The following PLAG1 variants were observed in gnomAD, a reference collection of about 807,000 sequenced individuals.
PLAG1 encodes the protein zinc finger protein PLAG1.
A neutral mutation model predicts 35.5 loss-of-function variants in PLAG1; 7 were observed. The ratio of observed to expected loss-of-function variants is 0.20; its 90% CI spans 0.11 to 0.37. PLAG1 has a LOEUF of 0.37. Ranked by LOEUF, PLAG1 falls within the 10% of genes least tolerant of loss-of-function variation. The pLI, the probability that PLAG1 is intolerant of heterozygous loss-of-function variation, is 1.00. For missense variants in PLAG1, 454 were observed against 602.8 expected (o/e 0.75, Z 2.58); for synonymous variants, 229 against 225.4 (o/e 1.02, Z -0.14).
At chr8:56,191,204 G>T (rs1176123605) in intron 1 of PLAG1, among the ~76,000 whole-genome samples, 2 of 152,212 alleles carry the variant, frequency 1.3e-5, no homozygotes, top group Non-Finnish European at 2.9e-5. Flanking sequence ...TTCTCCCAGG[G>T]CTGGGAGCAG....
At chr8:56,207,256 C>A (rs1254011285) in intron 1 of PLAG1, among the ~76,000 whole-genome samples, 2 of 151,932 alleles carry the variant, frequency 1.3e-5, no homozygotes, top group Non-Finnish European at 2.9e-5. Flanking sequence ...AGTTATCTGG[C>A]TTTCCAAATC....
chr8:56,166,044 C>T lies in PLAG1; in HGVS notation c.*199G>A, dbSNP rs944938890. 1 of 350,884 alleles carries T rather than the reference C, an allele frequency of 2.8e-6. No individual in the cohort carries two copies. The highest frequency in any genetic ancestry group is 2.1e-5 in the African/African-American group (1 of 47,746). The allele number at this position is 350,884 out of a possible 1,614,324, so 21.7% of individuals were successfully genotyped here. On this transcript the variant is annotated 3_prime_UTR_variant, in exon 5 of 5. Coordinates refer to ENST00000316981, the MANE Select transcript of PLAG1 (RefSeq NM_002655.3). ...TTGGCAGTGAATCAGGACAAAATAC[C>T]CAGGTAAACTTAACTGAACACAAAT...
In PLAG1 at chr8:56,162,232, C is replaced by G. The variant is rs1031084974; in HGVS notation, c.*4011G>C. On this transcript the variant is annotated 3_prime_UTR_variant, in exon 5 of 5. Coordinates refer to ENST00000316981, the MANE Select transcript of PLAG1 (RefSeq NM_002655.3). ...ACTAACAGCCAGCCATTGCTAATGA[C>G]GAATACTAAACATTTAAAAGATCTC... 1 of 228,304 alleles carries G rather than the reference C, an allele frequency of 4.4e-6. No homozygotes were observed. The highest frequency in any genetic ancestry group is 2.2e-5 in the African/African-American group (1 of 45,068). 14.1% of individuals were successfully genotyped at this position (228,304 alleles called of 1,614,324 possible). A position where few individuals can be genotyped will look rare whatever the true frequency, so the allele number is the denominator to read the frequency against.
chr8:56,205,484 AT>A (rs1348711695), intron 1 of PLAG1, among the ~76,000 whole-genome samples: 1 of 151,884 alleles, frequency 6.6e-6, no homozygotes, highest in African/African-American at 2.4e-5. Context: ...GGTATTAAAA[AT>A]ATTCTTTGGT....
intron 2 of PLAG1, among the ~76,000 whole-genome samples, chr8:56,179,134 G>A (rs1019664412): frequency 6.6e-6 from 1 of 151,906 alleles, no homozygotes; most frequent in African/African-American, 2.4e-5. Context: ...GGCTATCTGG[G>A]GAACAGGAAC....
chr8:56,188,594 C>A (rs1211200881), intron 1 of PLAG1, among the ~76,000 whole-genome samples: 1 of 152,288 alleles, frequency 6.6e-6, no homozygotes, highest in African/African-American at 2.4e-5. Context: ...GACTTGTTTG[C>A]TTTCTTTTGC....
chr8:56,180,560 G>T (rs1811835128), intron 1 of PLAG1, among the ~76,000 whole-genome samples: 1 of 152,192 alleles, frequency 6.6e-6, no homozygotes, highest in Non-Finnish European at 1.5e-5. Context: ...GTCCTGAATG[G>T]TATTGCCTAG....
At chr8:56,195,465 G>C (rs925830662) in intron 1 of PLAG1, among the ~76,000 whole-genome samples, 2 of 152,182 alleles carry the variant, frequency 1.3e-5, no homozygotes, top group African/African-American at 2.4e-5. Context: ...TACAGAGCTA[G>C]CTGGCCCACC....
At chr8:56,188,543 G>A (rs1235483603) in intron 1 of PLAG1, among the ~76,000 whole-genome samples, 1 of 152,206 alleles carries the variant, frequency 6.6e-6, no homozygotes, top group Admixed American at 6.5e-5. Context: ...CACAGACACA[G>A]TGTATGTCAA....
chr8:56,208,762 T>C (rs898657312), intron 1 of PLAG1, among the ~76,000 whole-genome samples: 5 of 152,194 alleles, frequency 3.3e-5, no homozygotes, highest in African/African-American at 1.2e-4. Flanking sequence ...ATTTTAAATT[T>C]TGAAAATATC....
Position 56,164,156 on chromosome 8 carries a change from AAC to A in PLAG1, c.*2085_*2086del, listed in dbSNP as rs1811285949. 2 of 188,534 alleles carry A rather than the reference AAC, an allele frequency of 1.1e-5. No individual in the cohort carries two copies. Among genetic ancestry groups the A allele is most frequent in the African/African-American group, 2.3e-5 (1 of 42,934 alleles). The allele number at this position is 188,534 out of a possible 1,614,324, so 11.7% of individuals were successfully genotyped here. On this transcript the variant is annotated 3_prime_UTR_variant, in exon 5 of 5. Coordinates refer to ENST00000316981, the MANE Select transcript of PLAG1 (RefSeq NM_002655.3). ...ACATATATAATTTTAATGCCTTTGG[AAC>A]ACACTTTTTTAATAAATGTAATTTT...
At chr8:56,189,929 T>C (rs1339885895) in intron 1 of PLAG1, among the ~76,000 whole-genome samples, 6 of 152,146 alleles carry the variant, frequency 3.9e-5, no homozygotes, top group African/African-American at 1.4e-4. Context: ...AAGGCAAGGC[T>C]GGAGTCGACT....
In PLAG1 at chr8:56,166,248, G is replaced by T; in HGVS notation, c.1498C>A (p.Gln500Lys). The T allele has an allele frequency of 6.3e-7, 1 of 1,580,678 alleles. No individual in the cohort carries two copies. Among genetic ancestry groups the T allele is most frequent in the South Asian group, 1.2e-5 (1 of 85,620 alleles). Residue 500 changes from glutamine (Q) to lysine (K), a missense_variant, in exon 5 of 5, where the codon CAG becomes AAG. By Grantham distance (53) the Gln-to-Lys change is moderately conservative. Around this residue, in one of 4 missense-constraint regions of PLAG1, gnomAD observed 271 missense variants for 315.6 expected, o/e 0.86. Transcript: ENST00000316981. ...TGAATCCATGTCCCAGAATCCTACT[G>T]AAAAGCTTGATGGAAACGTGGGAGG... The part of the protein sequence containing the change: ...TTLPRFHQAF[Q>K]
chr8:56,172,883 A>T (rs1020173019), intron 2 of PLAG1, among the ~76,000 whole-genome samples: 2 of 152,228 alleles, frequency 1.3e-5, no homozygotes, highest in East Asian at 3.8e-4. Context: ...TAAATTTAAG[A>T]CTTAAAAAGT....
intron 3 of PLAG1, among the ~76,000 whole-genome samples, chr8:56,168,879 T>C (rs530879533): frequency 5.3e-4 from 80 of 152,294 alleles, no homozygotes; most frequent in South Asian, 2.9e-3. Flanking sequence ...TTGTGAACCA[T>C]TGAGTCTGTG....
At chr8:56,206,409 C>T (rs544134866) in intron 1 of PLAG1, among the ~76,000 whole-genome samples, 16 of 151,936 alleles carry the variant, frequency 1.1e-4, no homozygotes, top group African/African-American at 3.4e-4. Flanking sequence ...TCAAATTTTA[C>T]AATGAAATTT....
intron 1 of PLAG1, among the ~76,000 whole-genome samples, chr8:56,181,916 T>G (rs1289793786): frequency 2.0e-5 from 3 of 152,114 alleles, no homozygotes; most frequent in Non-Finnish European, 2.9e-5. Flanking sequence ...AAATGTACAA[T>G]TAAGAAAGAC....
chr8:56,169,949 C>T (rs1398740713), intron 3 of PLAG1, among the ~76,000 whole-genome samples: 2 of 152,234 alleles, frequency 1.3e-5, no homozygotes, highest in Non-Finnish European at 2.9e-5. Context: ...CTGACACTTG[C>T]TGTCCCAAGC....
chr8:56,168,430 A>G, intron 3 of PLAG1, 44 bp from the exon 4 acceptor site: 1 of 883,150 alleles, frequency 1.1e-6, no homozygotes, highest in Non-Finnish European at 1.5e-6. Context: ...ACTAAACTCA[A>G]TTTTTAAAAA....
Sources: gnomAD v4.1 joint callset for allele counts (sites outside exome capture counted in the v4.1 genomes callset) on GRCh38, gnomAD v4.1.1 for gene constraint, gnomAD v4.1.1 regional missense constraint, MANE v1.5 for transcripts, NCBI Gene and HGNC (gene_info 2026-07-23, HGNC 2026-07-21) for gene names.